Variants in KATNIP observed in about 807,000 individuals in gnomAD.
KATNIP encodes katanin interacting protein, also known as katanin-interacting protein.
Under a neutral mutation model 174.0 loss-of-function variants are expected in KATNIP, and 126 were observed. The observed-to-expected ratio is 0.72, with a 90% CI of 0.63 to 0.84. KATNIP has a LOEUF of 0.84. Among genes scored for constraint, KATNIP ranks in the 40% least tolerant of loss-of-function variants. The pLI is 0.00. For synonymous variants in KATNIP, 810 were observed against 835.7 expected (o/e 0.97, Z 0.53); for missense variants, 1,958 against 2,109.7 (o/e 0.93, Z 1.41).
intron 8 of KATNIP, among the ~76,000 whole-genome samples, chr16:27,685,536 G>A (rs897865045): frequency 6.6e-6 from 1 of 152,176 alleles, no homozygotes; most frequent in Non-Finnish European, 1.5e-5. Flanking sequence ...TGGCAAAGAA[G>A]CATGCGTTCA....
At chr16:27,715,054 T>C (rs942834099) in intron 13 of KATNIP, among the ~76,000 whole-genome samples, 13 of 152,228 alleles carry the variant, frequency 8.5e-5, no homozygotes, top group African/African-American at 2.7e-4. Flanking sequence ...ACGCCAACTC[T>C]GCAGTAATAA....
chr16:27,724,277 C>T (rs754823911), intron 14 of KATNIP, among the ~76,000 whole-genome samples: 7 of 152,210 alleles, frequency 4.6e-5, no homozygotes, highest in Non-Finnish European at 1.0e-4. Context: ...AGGTGGCCAT[C>T]GTCACCCTCT....
intron 2 of KATNIP, among the ~76,000 whole-genome samples, chr16:27,580,313 G>A (rs548052344): frequency 2.6e-5 from 4 of 152,068 alleles, no homozygotes; most frequent in Non-Finnish European, 4.4e-5. Flanking sequence ...GGGTTTTGCC[G>A]TGTTGCCCAG....
chr16:27,700,786 G>A (rs1194649355), intron 10 of KATNIP, among the ~76,000 whole-genome samples: 1 of 152,116 alleles, frequency 6.6e-6, no homozygotes, highest in Non-Finnish European at 1.5e-5. Context: ...AGCCCAAGTG[G>A]GACAGGGTGT....
intron 2 of KATNIP, among the ~76,000 whole-genome samples, chr16:27,577,863 A>C (rs1048654323): frequency 3.7e-4 from 56 of 151,884 alleles, no homozygotes; most frequent in African/African-American, 1.4e-3. Context: ...ACAAAGCAAA[A>C]CCCTGTCTCA....
chr16:27,714,123 C>T (rs2079817586), intron 13 of KATNIP, among the ~76,000 whole-genome samples: 1 of 151,798 alleles, frequency 6.6e-6, no homozygotes, highest in African/African-American at 2.4e-5. Flanking sequence ...TCTCCACATT[C>T]AGATTTCAGC....
chr16:27,633,046 G>A (rs1165082294), intron 5 of KATNIP, among the ~76,000 whole-genome samples: 1 of 152,074 alleles, frequency 6.6e-6, no homozygotes, highest in East Asian at 1.9e-4. Flanking sequence ...CACCGCGCCC[G>A]GCCGAAAAGG....
In KATNIP at chr16:27,740,845, C is replaced by A. The variant is rs2081078390; in HGVS notation, c.2548C>A (p.Pro850Thr). The A allele has an allele frequency of 6.2e-7, 1 of 1,612,560 alleles. No individual in the cohort carries two copies. Among genetic ancestry groups the A allele is most frequent in the Admixed American group, 1.7e-5 (1 of 59,784 alleles). ...IFNQPPNRERPASGRRGSRKD... is the reference protein window; with the variant it reads ...IFNQPPNRERTASGRRGSRKD... ...TAACCAGCCCCCCAACAGAGAGCGCCCTGCTAGTGGGAGGAGGGGCTCAAG... is the reference window on the plus strand; with the variant it reads ...TAACCAGCCCCCCAACAGAGAGCGCACTGCTAGTGGGAGGAGGGGCTCAAG... Residue 850 changes from proline to threonine, a missense_variant, in exon 15 of 28, where the codon CCT becomes ACT. By Grantham distance (38) the Pro-to-Thr change is conservative (BLOSUM62 -1). Transcript: ENST00000261588.
Position 27,699,530 on chromosome 16 carries a change from C to T in KATNIP, c.1114-4C>T, listed in dbSNP as rs766933722. On this transcript the variant is annotated splice_region_variant and splice_polypyrimidine_tract_variant and intron_variant, in intron 9 of 27. Transcript: ENST00000261588. ...CATCACATCATGTGATCACATCCTT[C>T]CAGGATGCAGAAGGACCACCAGCAA... 5 of 1,614,028 alleles carry T rather than the reference C, an allele frequency of 3.1e-6. No homozygotes were observed. Among genetic ancestry groups the T allele is most frequent in the Non-Finnish European group, 4.2e-6 (5 of 1,179,920 alleles).
At chr16:27,568,168 A>T (rs1393110374) in intron 1 of KATNIP, among the ~76,000 whole-genome samples, 1 of 152,082 alleles carries the variant, frequency 6.6e-6, no homozygotes, top group Non-Finnish European at 1.5e-5. Context: ...CTAAAATATG[A>T]CCATCTTTTA....
intron 6 of KATNIP, among the ~76,000 whole-genome samples, chr16:27,663,152 C>CTTTTTTTTTT (rs11440523): frequency 3.6e-4 from 29 of 80,042 alleles, no homozygotes; most frequent in Non-Finnish European, 4.7e-4. Flanking sequence ...TTTTCTTCTT[C>CTTTTTTTTTT]TTTTTTTTTT....
chr16:27,727,626 G>T (rs1054660482), intron 14 of KATNIP: 13 of 152,228 alleles, frequency 8.5e-5, no homozygotes, highest in African/African-American at 2.2e-4. Flanking sequence ...CTCTTGGGGT[G>T]CACTTTAGGT....
At chr16:27,691,400 A>G in intron 8 of KATNIP, among the ~76,000 whole-genome samples, 1 of 152,192 alleles carries the variant, frequency 6.6e-6, no homozygotes, top group Non-Finnish European at 1.5e-5. Flanking sequence ...TAAAATGTGC[A>G]ATTTGGCTTT....
At chr16:27,740,959 C>G in intron 15 of KATNIP, 39 bp downstream of exon 15, 1 of 1,533,916 alleles carries the variant, frequency 6.5e-7, no homozygotes. Context: ...GCATCATCAT[C>G]CCAGCCCCTC....
At chr16:27,655,176 GGATA>G (rs1440163468) in intron 6 of KATNIP, among the ~76,000 whole-genome samples, 3 of 50,146 alleles carry the variant, frequency 6.0e-5, no homozygotes, top group African/African-American at 1.4e-4. Flanking sequence ...CCCCTAGAAT[GGATA>G]TATATATATA....
chr16:27,728,617 G>C (rs2143182973), intron 14 of KATNIP, among the ~76,000 whole-genome samples: 1 of 152,270 alleles, frequency 6.6e-6, no homozygotes. Flanking sequence ...TTTCAGTAGA[G>C]ATGGGTTTTG....
chr16:27,664,143 C>T (rs1385113028), intron 6 of KATNIP, among the ~76,000 whole-genome samples: 2 of 152,128 alleles, frequency 1.3e-5, no homozygotes, highest in Non-Finnish European at 2.9e-5. Flanking sequence ...TTTTCCCAAA[C>T]GTTCTAAGTA....
chr16:27,677,082 TAG>T (rs2078145159), intron 6 of KATNIP, among the ~76,000 whole-genome samples: 1 of 152,180 alleles, frequency 6.6e-6, no homozygotes, highest in South Asian at 2.1e-4. Context: ...TCTTAATGCT[TAG>T]CCATAAGGAA....
chr16:27,700,775 G>C (rs1381845983), intron 10 of KATNIP, among the ~76,000 whole-genome samples: 1 of 152,184 alleles, frequency 6.6e-6, no homozygotes, highest in Non-Finnish European at 1.5e-5. Context: ...GAGGGAGACA[G>C]AGCCCAAGTG....
Sources: gnomAD v4.1 joint callset for allele counts (sites outside exome capture counted in the v4.1 genomes callset) on GRCh38, gnomAD v4.1.1 for gene constraint, MANE v1.5 for transcripts, NCBI Gene and HGNC (gene_info 2026-07-23, HGNC 2026-07-21) for gene names.